Variants in NCKAP1 observed in about 807,000 individuals in gnomAD.
NCKAP1 encodes nck-associated protein 1.
Under a neutral mutation model 151.2 loss-of-function variants are expected in NCKAP1, and 21 were observed. The ratio of observed to expected loss-of-function variants is 0.14; its 90% CI spans 0.10 to 0.20. NCKAP1 has a LOEUF of 0.20. NCKAP1 is among the 10% of genes least tolerant of loss of function. The probability of loss-of-function intolerance (pLI) is 1.00; values close to 1 mark genes in which losing one functional copy is unlikely to be tolerated. For synonymous variants in NCKAP1, 484 were observed against 451.8 expected, an observed-to-expected ratio of 1.07 and a Z score of -0.90; for missense variants, 933 against 1,352.1, an observed-to-expected ratio of 0.69 and a Z score of 4.86.
In NCKAP1 at chr2:182,915,325, G is replaced by C. The variant is rs1364159184; in HGVS notation, c.*10377C>G. On this transcript the variant is annotated 3_prime_UTR_variant, in exon 31 of 31. Transcript: ENST00000361354. ...AAACGTTGTATGGTTCACAGCTGAA[G>C]AGAGAATAGTTGAGAGTTGAGTGAT... 2 of 152,016 alleles carry C rather than the reference G, an allele frequency of 1.3e-5. No homozygotes were observed. The highest frequency in any genetic ancestry group is 4.8e-5 in the African/African-American group (2 of 41,442). The allele number at this position is 152,016 out of a possible 1,614,324, so 9.4% of individuals were successfully genotyped here.
At position 182,967,262 on chromosome 2, in the gene NCKAP1, A is replaced by T. The variant is rs1318426767; in HGVS notation, c.1582T>A (p.Ser528Thr). ...TIIFHTKMVD[S>T]LVEMLVETSD... ...GTTTCCACCAACATTTCCACCAAGG[A>T]ATCTACCATTTTTGTATGAAAAATT... The change falls in exon 16 of 31, where the codon TCC (serine) becomes ACC (threonine). Residue 528 changes from serine to threonine, a missense_variant. Transcript: ENST00000361354. 6.2e-7 allele frequency: 1 copy of T among 1,612,582 alleles called. No individual in the cohort carries two copies. The highest frequency in any genetic ancestry group is 8.5e-7 in the Non-Finnish European group (1 of 1,179,362).
Position 182,956,522 on chromosome 2 carries a change from C to A in NCKAP1, c.2093G>T (p.Trp698Leu). The A allele has an allele frequency of 6.2e-7, 1 of 1,610,302 alleles. No individual in the cohort carries two copies. Among genetic ancestry groups the A allele is most frequent in the South Asian group, 1.1e-5 (1 of 90,136 alleles). Residue 698 changes from tryptophan (W) to leucine (L), a missense_variant, in exon 20 of 31, where the codon TGG becomes TTG. Coordinates refer to ENST00000361354, the MANE Select transcript of NCKAP1 (RefSeq NM_013436.5). Reference protein sequence around the residue: ...SINYVPNMVVWEHTFTPREYL... With the variant: ...SINYVPNMVVLEHTFTPREYL... ...TTCTCGTGGGGTAAAGGTATGTTCC[C>A]ATACCACCATGTTTGGTACATAATT...
intron 24 of NCKAP1, among the ~76,000 whole-genome samples, chr2:182,937,159 TAAC>T (rs1465290277): frequency 2.0e-5 from 2 of 99,692 alleles, no homozygotes; most frequent in South Asian, 3.6e-4. Flanking sequence ...ACACTAGAAA[TAAC>T]AACAGACAAG....
rs772005435 is a variant in NCKAP1 at position 182,952,389 on chromosome 2, A to T, written c.2601+16T>A. ...AATTAATGTTTAAAAGCTAAAATTA[A>T]TAAAGACTATATTACCTTAAGTTCA... On this transcript the variant is annotated intron_variant, in intron 23 of 30. Coordinates refer to ENST00000361354, the MANE Select transcript of NCKAP1 (RefSeq NM_013436.5). The T allele has an allele frequency of 6.6e-7, 1 of 1,515,636 alleles. No individual in the cohort carries two copies. Among genetic ancestry groups the T allele is most frequent in the South Asian group, 1.2e-5 (1 of 80,870 alleles). 93.9% of individuals were successfully genotyped at this position (1,515,636 alleles called of 1,614,324 possible). A position where few individuals can be genotyped will look rare whatever the true frequency, so the allele number is the denominator to read the frequency against.
rs544476041 is a variant in NCKAP1 at position 182,986,205 on chromosome 2, T to C, written c.970A>G (p.Ile324Val). The change falls in exon 10 of 31, where the codon ATA (isoleucine) becomes GTA (valine). Residue 324 changes from isoleucine (I) to valine (V), a missense_variant. Ile to Val is a conservative substitution (Grantham distance 29). Transcript: ENST00000361354. ...IRGYNKRIND[I>V]RECKEAAVSH... ...ACGGCTGCCTCCTTGCATTCTCTTA[T>C]GTCATTAATACGTTTATTATAGCTA... is the stretch of plus-strand genomic sequence containing the variant. 4.3e-6 allele frequency: 7 copies of C among 1,613,784 alleles called. No individual in the cohort carries two copies. In the Admixed American group the frequency reaches 5.0e-5, roughly 12 times the overall value.
rs1699143256 is a variant in NCKAP1 at position 183,038,137 on chromosome 2, C to A, written c.-38G>T. 1 of 1,456,336 alleles carries A rather than the reference C, an allele frequency of 6.9e-7. No homozygotes were observed. The highest frequency in any genetic ancestry group is 9.1e-7 in the Non-Finnish European group (1 of 1,095,108). The allele number at this position is 1,456,336 out of a possible 1,614,324, so 90.2% of individuals were successfully genotyped here. A position where few individuals can be genotyped will look rare whatever the true frequency, so the allele number is the denominator to read the frequency against. The stretch of plus-strand genomic sequence containing the variant: ...GCCGCCGCCGCCGCCGGCCGCCTCG[C>A]GCCCAGTCACGGGCCCGCGGCCTTC... On this transcript the variant is annotated 5_prime_UTR_variant, in exon 1 of 31. Coordinates refer to ENST00000361354, the MANE Select transcript of NCKAP1 (RefSeq NM_013436.5).
chr2:182,930,838 T>TAATAAACA, intron 26 of NCKAP1, 50 bp from the exon 27 acceptor site: 1 of 1,501,576 alleles, frequency 6.7e-7, no homozygotes, highest in Non-Finnish European at 9.2e-7. Context: ...AACAAATTTC[T>TAATAAACA]GAGAAAGCTC....
At chr2:183,026,514 A>G (rs1698900724) in intron 1 of NCKAP1, among the ~76,000 whole-genome samples, 1 of 152,044 alleles carries the variant, frequency 6.6e-6, no homozygotes, top group African/African-American at 2.4e-5. Context: ...AATTCAGAAA[A>G]AAATAAAGGA....
intron 7 of NCKAP1, 44 bp downstream of exon 7, chr2:182,995,657 A>G (rs1452414145): frequency 6.4e-7 from 1 of 1,570,888 alleles, no homozygotes; most frequent in East Asian, 2.2e-5. Context: ...TATTTTTTTA[A>G]AAGTCACTTT....
chr2:182,942,251 G>A, intron 23 of NCKAP1, 88 bp from the exon 24 acceptor site: 5 of 951,602 alleles, frequency 5.3e-6, no homozygotes, highest in Non-Finnish European at 8.0e-6. Flanking sequence ...AATCTGGCAA[G>A]TAGGAAACAC....
chr2:182,979,562 G>C (rs748873729), intron 13 of NCKAP1, among the ~76,000 whole-genome samples: 1 of 151,994 alleles, frequency 6.6e-6, no homozygotes, highest in South Asian at 2.1e-4. Context: ...TTTATGATGC[G>C]AGTGAACTGT....
In NCKAP1 at chr2:182,993,283, G is replaced by A. The variant is rs374374625; in HGVS notation, c.790+1556C>T. ...CATTATGCAGTAAGTTTTGCTTTTT[G>A]GACCTTTGTGAAATTTTTTCCCGTA... On this transcript the variant is annotated intron_variant, in intron 8 of 30. Transcript: ENST00000361354. Among the ~76,000 whole-genome samples the A allele has an allele frequency of 1.9e-4, 29 of 152,206 alleles. No individual in the cohort carries two copies. The East Asian group carries it at 5.4e-3, about 28-fold the overall frequency.
chr2:183,019,137 T>C lies in NCKAP1; in HGVS notation c.219+4669A>G, dbSNP rs555571815. On this transcript the variant is annotated intron_variant, in intron 2 of 30. Transcript: ENST00000361354. ...CCTGTGGCACTCTACTCGCCAGCAATGTCCCTATTCTTAAAGACTTCAAGA... is the reference window on the plus strand; with the variant it reads ...CCTGTGGCACTCTACTCGCCAGCAACGTCCCTATTCTTAAAGACTTCAAGA... Among the ~76,000 whole-genome samples the C allele has an allele frequency of 4.9e-4, 75 of 152,328 alleles. 1 individual carries two copies. Among genetic ancestry groups the C allele is most frequent in the African/African-American group, 1.6e-3 (68 of 41,568 alleles).
chr2:183,034,170 T>C (rs72888488), intron 1 of NCKAP1, among the ~76,000 whole-genome samples: 5,489 of 152,228 alleles, frequency 0.036, 133 homozygotes, highest in African/African-American at 0.045. Flanking sequence ...ACATCTTTTC[T>C]TCCCCCACTA....
chr2:182,966,226 T>C (rs564474496), intron 16 of NCKAP1, among the ~76,000 whole-genome samples: 1 of 151,752 alleles, frequency 6.6e-6, no homozygotes, highest in South Asian at 2.1e-4. Flanking sequence ...AAGCAGAAAA[T>C]AGAGTTGATA....
intron 9 of NCKAP1, among the ~76,000 whole-genome samples, chr2:182,987,888 G>A (rs116660190): frequency 1.0e-3 from 156 of 152,176 alleles, no homozygotes; most frequent in African/African-American, 3.6e-3. Context: ...GAGTGGGGGG[G>A]GAGTGGGGAC....
intron 2 of NCKAP1, among the ~76,000 whole-genome samples, chr2:183,014,556 C>T (rs992528228): frequency 2.6e-5 from 4 of 152,104 alleles, no homozygotes; most frequent in African/African-American, 7.2e-5. Flanking sequence ...AGTATACTAG[C>T]CTGCATACTC....
chr2:182,970,427 T>A (rs1343973098), intron 15 of NCKAP1, among the ~76,000 whole-genome samples: 1 of 151,656 alleles, frequency 6.6e-6, no homozygotes, highest in Non-Finnish European at 1.5e-5. Flanking sequence ...GTTAGATAAA[T>A]ACAAGATGGT....
At chr2:183,028,285 C>G (rs892698741) in intron 1 of NCKAP1, among the ~76,000 whole-genome samples, 5 of 151,932 alleles carry the variant, frequency 3.3e-5, no homozygotes, top group African/African-American at 7.2e-5. Flanking sequence ...CAAAAACTCC[C>G]CCAAGTACCC....
Sources: gnomAD v4.1 joint callset for allele counts (sites outside exome capture counted in the v4.1 genomes callset) on GRCh38, gnomAD v4.1.1 for gene constraint, MANE v1.5 for transcripts, NCBI Gene and HGNC (gene_info 2026-07-23, HGNC 2026-07-21) for gene names.